Variants in GLDC observed in about 807,000 individuals in gnomAD.
GLDC encodes the protein glycine dehydrogenase (decarboxylating), mitochondrial.
A neutral mutation model predicts 121.3 loss-of-function variants in GLDC; 104 were observed. That is an observed-to-expected ratio of 0.86 (90% confidence interval 0.73 to 1.01). The LOEUF is 1.01. Ranked by LOEUF, GLDC falls within the 50% of genes least tolerant of loss-of-function variation. The pLI, the probability that GLDC is intolerant of heterozygous loss-of-function variation, is 0.00. For synonymous variants in GLDC, 546 were observed against 480.6 expected (o/e 1.14, Z -1.78); for missense variants, 1,429 against 1,306.6 (o/e 1.09, Z -1.44).
chr9:6,562,211 T>G (rs1817772496), intron 16 of GLDC, among the ~76,000 whole-genome samples: 1 of 152,234 alleles, frequency 6.6e-6, no homozygotes, highest in African/African-American at 2.4e-5. Context: ...GTTTGTTAAA[T>G]AAATTTGTAT....
chr9:6,631,838 AG>A (rs1231800600), intron 2 of GLDC, among the ~76,000 whole-genome samples: 2 of 152,186 alleles, frequency 1.3e-5, no homozygotes, highest in African/African-American at 4.8e-5. Flanking sequence ...AGGCTAAGGG[AG>A]GAGGATGTTT....
intron 2 of GLDC, among the ~76,000 whole-genome samples, chr9:6,628,553 G>C: frequency 6.6e-6 from 1 of 152,264 alleles, no homozygotes; most frequent in East Asian, 1.9e-4. Context: ...CACTTTGGGA[G>C]GCCGAGGCAG....
intron 22 of GLDC, among the ~76,000 whole-genome samples, chr9:6,538,486 G>T (rs1817184092): frequency 6.6e-6 from 1 of 152,248 alleles, no homozygotes; most frequent in Non-Finnish European, 1.5e-5. Context: ...TTTAAGACCT[G>T]GAAACTGTGT....
chr9:6,635,076 C>T (rs535864885), intron 2 of GLDC, among the ~76,000 whole-genome samples: 4 of 152,358 alleles, frequency 2.6e-5, no homozygotes, highest in South Asian at 2.1e-4. Context: ...TTCCACACTT[C>T]CATGCCTCTG....
At chr9:6,558,484 A>T in intron 17 of GLDC, 75 bp downstream of exon 17, 1 of 1,507,110 alleles carries the variant, frequency 6.6e-7, no homozygotes, top group Non-Finnish European at 9.2e-7. Flanking sequence ...ACATTTACAT[A>T]ATCCATCAAG....
rs1400470381 is a variant in GLDC, at chr9:6,536,037, T to G, written c.2838+27A>C. ...ATCATTTTCTAGTTTAAGGAACATT[T>G]CAAGCAATGTTCCAGGGCCTACGCA... On this transcript the variant is annotated intron_variant, in intron 23 of 24. Transcript: ENST00000321612. 5.0e-6 allele frequency: 8 copies of G among 1,589,424 alleles called. No homozygotes were observed. The East Asian group carries it at 8.9e-5, about 18-fold the overall frequency.
chr9:6,634,559 CAAA>C (rs57883473), intron 2 of GLDC, among the ~76,000 whole-genome samples: 6 of 146,276 alleles, frequency 4.1e-5, no homozygotes, highest in Non-Finnish European at 9.0e-5. Context: ...AAACAAAAAA[CAAA>C]AAAAAAACCC....
chr9:6,586,155 T>A (rs1818267059), intron 15 of GLDC, among the ~76,000 whole-genome samples: 1 of 151,928 alleles, frequency 6.6e-6, no homozygotes, highest in African/African-American at 2.4e-5. Context: ...ATTAGCCAGG[T>A]GTGGTAGCAC....
chr9:6,608,269 ACCC>A (rs1383509273), intron 4 of GLDC, among the ~76,000 whole-genome samples: 64 of 141,472 alleles, frequency 4.5e-4, no homozygotes, highest in Middle Eastern at 4.2e-3. Flanking sequence ...AAAAAAAAAA[ACCC>A]TTAGCCGGGC....
intron 15 of GLDC, among the ~76,000 whole-genome samples, chr9:6,584,000 C>T (rs1161953581): frequency 1.3e-5 from 2 of 152,154 alleles, no homozygotes; most frequent in Non-Finnish European, 2.9e-5. Flanking sequence ...GAACTGTACA[C>T]TTAAAAATAC....
intron 4 of GLDC, among the ~76,000 whole-genome samples, chr9:6,608,185 G>A (rs1007685482): frequency 2.0e-4 from 31 of 151,740 alleles, no homozygotes; most frequent in African/African-American, 6.8e-4. Flanking sequence ...AGGCCGAGGC[G>A]GGCAGATCAC....
chr9:6,592,806 G>A (rs756523270), intron 10 of GLDC, 45 bp downstream of exon 10: 1 of 1,577,760 alleles, frequency 6.3e-7, no homozygotes, highest in South Asian at 1.1e-5. Context: ...GAGAAACAAT[G>A]TGAAAATTTG....
At chr9:6,621,943 A>C (rs931560086) in intron 2 of GLDC, among the ~76,000 whole-genome samples, 7 of 152,286 alleles carry the variant, frequency 4.6e-5, no homozygotes, top group Non-Finnish European at 1.5e-5. Flanking sequence ...TGTCTTCTTT[A>C]AGATCTTCTT....
intron 2 of GLDC, among the ~76,000 whole-genome samples, chr9:6,640,598 T>G (rs1316792831): frequency 6.6e-6 from 1 of 152,238 alleles, no homozygotes; most frequent in Non-Finnish European, 1.5e-5. Context: ...ACTCATCTCC[T>G]CAGTTCTAGT....
Position 6,619,874 on chromosome 9 carries a change from G to A in GLDC, c.470+310C>T, listed in dbSNP as rs115255756. On this transcript the variant is annotated intron_variant, in intron 3 of 24. Transcript: ENST00000321612. ...AGTAAAGGCCTGAATCTGCCCACCT[G>A]CAGGTTTCACATCTTACTCAAATAC... Among the ~76,000 whole-genome samples the A allele has an allele frequency of 6.1e-3, 926 of 152,288 alleles. 14 individuals are homozygous for A. The highest frequency in any genetic ancestry group is 0.021 in the African/African-American group (886 of 41,558).
At chr9:6,623,959 G>A (rs552843486) in intron 2 of GLDC, among the ~76,000 whole-genome samples, 5 of 152,198 alleles carry the variant, frequency 3.3e-5, no homozygotes, top group African/African-American at 4.8e-5. Flanking sequence ...GTGCAGGGGG[G>A]ACAGGTCCCT....
intron 2 of GLDC, among the ~76,000 whole-genome samples, chr9:6,642,382 T>G (rs1019893070): frequency 8.0e-5 from 12 of 150,938 alleles, no homozygotes; most frequent in Admixed American, 2.0e-4. Context: ...ATACAAAAAA[T>G]TAGCCGGGCA....
intron 15 of GLDC, among the ~76,000 whole-genome samples, chr9:6,586,358 T>C (rs1818272692): frequency 1.3e-5 from 2 of 152,174 alleles, no homozygotes; most frequent in African/African-American, 2.4e-5. Flanking sequence ...CTGGAGGTTA[T>C]GATCAGTGCG....
At chr9:6,604,462 G>T in intron 7 of GLDC, 126 bp downstream of exon 7, 11 of 869,376 alleles carry the variant, frequency 1.3e-5, no homozygotes, top group Middle Eastern at 3.4e-4. Flanking sequence ...CTGAATCTAT[G>T]TTGTACATTT....
Sources: gnomAD v4.1 joint callset for allele counts (sites outside exome capture counted in the v4.1 genomes callset) on GRCh38, gnomAD v4.1.1 for gene constraint, MANE v1.5 for transcripts, NCBI Gene and HGNC (gene_info 2026-07-23, HGNC 2026-07-21) for gene names.